DNAH6: variants seen among roughly 807,000 people sequenced by gnomAD.
The protein encoded by DNAH6 is axonemal beta dynein heavy chain 6.
DNAH6 carries 340 observed loss-of-function variants against 491.4 expected under a neutral mutation model. That is an observed-to-expected ratio of 0.69 (90% confidence interval 0.63 to 0.76). The LOEUF is 0.76. Ranked by LOEUF, DNAH6 falls within the 30% of genes least tolerant of loss-of-function variation. DNAH6 has a pLI of 0.00. For missense variants in DNAH6, 4,443 were observed against 4,972.2 expected (o/e 0.89, Z 3.20); for synonymous variants, 1,603 against 1,686.1 (o/e 0.95, Z 1.21).
intron 42 of DNAH6, among the ~76,000 whole-genome samples, chr2:84,684,365 C>T (rs759662121): frequency 1.3e-5 from 2 of 152,170 alleles, no homozygotes; most frequent in Non-Finnish European, 2.9e-5. Flanking sequence ...AATTCAGGAT[C>T]CACTTTATTT....
At position 84,719,512 on chromosome 2, in the gene DNAH6, T is replaced by G. The variant is rs556835001; in HGVS notation, c.9792+1128T>G. Among the ~76,000 whole-genome samples, 150 of 152,032 alleles carry G rather than the reference T, an allele frequency of 9.9e-4. 1 individual carries two copies. The highest frequency in any genetic ancestry group is 3.5e-3 in the African/African-American group (145 of 41,450). On this transcript the variant is annotated intron_variant, in intron 59 of 76. Coordinates refer to ENST00000389394, the MANE Select transcript of DNAH6 (RefSeq NM_001370.2). ...GTTTTTGTTTTTTTTGTTTTTTATT[T>G]TGTTTTGTTTTGTTTTGAGACAGGG...
chr2:84,505,693 T>C, the DNAH6 span, among the ~76,000 whole-genome samples: 1 of 152,190 alleles, frequency 6.6e-6, no homozygotes, highest in African/African-American at 2.4e-5. Context: ...TATCTCCTAA[T>C]GCTATCCCTC....
chr2:84,605,546 G>A lies in DNAH6; in HGVS notation c.3128G>A (p.Arg1043His), dbSNP rs375805606. Residue 1043 changes from arginine to histidine, a missense_variant, in exon 20 of 77, where the codon CGT becomes CAT. Physicochemically the swap from Arg to His is conservative, Grantham distance 29. This residue lies in a region of DNAH6 where 2,977 missense variants were observed against 3,296.6 expected (regional missense o/e 0.90). Transcript: ENST00000389394. ...KTTEFVILPH[R>H]DSKDVFILGG... is the part of the protein sequence containing the mutation. ...ACTGAATTTGTCATTCTGCCTCACC[G>A]TGACTCCAAAGATGTGTTTATACTG... The A allele has an allele frequency of 8.4e-6, 13 of 1,551,352 alleles. No individual in the cohort carries two copies. Among genetic ancestry groups the A allele is most frequent in the East Asian group, 2.4e-5 (1 of 40,908 alleles).
In DNAH6 at chr2:84,701,109, G is replaced by T; in HGVS notation, c.7831G>T (p.Ala2611Ser). ...IDWFVQWPRE[A>S]LLSVSKTFFS... ...CCTTGATTCACAGTGGCCCAGAGAA[G>T]CACTTCTTTCTGTGTCAAAGACATT... The change falls in exon 49 of 77, where the codon GCA (alanine) becomes TCA (serine). Residue 2611 changes from alanine (A) to serine (S), a missense_variant. Transcript: ENST00000389394. 6.4e-7 allele frequency: 1 copy of T among 1,550,850 alleles called. No individual in the cohort carries two copies. The highest frequency in any genetic ancestry group is 8.7e-7 in the Non-Finnish European group (1 of 1,145,978).
chr2:84,773,111 G>A (rs1427527229), intron 64 of DNAH6, among the ~76,000 whole-genome samples: 5 of 151,914 alleles, frequency 3.3e-5, no homozygotes, highest in Admixed American at 1.3e-4. Context: ...TTAGATTCAG[G>A]TTTCTTAACA....
In DNAH6 at chr2:84,819,510, C is replaced by A; in HGVS notation, c.*102C>A. The stretch of plus-strand genomic sequence containing the variant: ...ATATGTGAGCAAAACGGTGTTAATT[C>A]TGATTTGACTTAAACGTATTGTGAC... On this transcript the variant is annotated 3_prime_UTR_variant, in exon 77 of 77. Transcript: ENST00000389394. The A allele has an allele frequency of 1.5e-6, 1 of 684,582 alleles. No individual in the cohort carries two copies. The highest frequency in any genetic ancestry group is 2.0e-5 in the South Asian group (1 of 49,292). 42.4% of individuals were successfully genotyped at this position (684,582 alleles called of 1,614,324 possible).
chr2:84,541,520 G>A (rs1678240938), intron 4 of DNAH6, among the ~76,000 whole-genome samples: 1 of 152,156 alleles, frequency 6.6e-6, no homozygotes, highest in African/African-American at 2.4e-5. Flanking sequence ...AAACTTAAAA[G>A]AAGAAGAAAA....
chr2:84,573,190 G>T (rs1682066170), intron 11 of DNAH6, among the ~76,000 whole-genome samples: 1 of 152,174 alleles, frequency 6.6e-6, no homozygotes, highest in African/African-American at 2.4e-5. Context: ...TCACCATGAA[G>T]CAGAAACAAA....
intron 64 of DNAH6, among the ~76,000 whole-genome samples, chr2:84,772,083 A>G (rs999710121): frequency 2.0e-5 from 3 of 152,220 alleles, no homozygotes; most frequent in Admixed American, 1.3e-4. Context: ...GAGAGGGCAG[A>G]GCTATGTAGT....
intron 4 of DNAH6, among the ~76,000 whole-genome samples, chr2:84,541,141 T>C (rs537340233): frequency 6.6e-6 from 1 of 152,256 alleles, no homozygotes; most frequent in African/African-American, 2.4e-5. Context: ...TGCTAAGAAA[T>C]GCCGAGGGAG....
intron 68 of DNAH6, among the ~76,000 whole-genome samples, chr2:84,791,151 C>A (rs1677694420): frequency 6.7e-6 from 1 of 149,602 alleles, no homozygotes; most frequent in Admixed American, 6.7e-5. Flanking sequence ...GATCACGCCA[C>A]TGCACTCCAG....
chr2:84,469,178 G>A, the DNAH6 span, among the ~76,000 whole-genome samples: 1,006 of 152,044 alleles, frequency 6.6e-3, 8 homozygotes, highest in African/African-American at 0.022. The surrounding 1 kb of genome is among the most constrained non-coding windows in gnomAD (Gnocchi z 4.0). Context: ...TCGTTCAACC[G>A]TTTGCACAGA....
At chr2:84,493,317 A>G in the DNAH6 span, among the ~76,000 whole-genome samples, 4 of 152,196 alleles carry the variant, frequency 2.6e-5, no homozygotes, top group African/African-American at 9.7e-5. Context: ...TCTGAAACTC[A>G]CATTTTCACT....
rs181127187 is a variant in DNAH6, at chr2:84,754,867, T to A, written c.10513-7888T>A. ...GAATGGCATTGAACCTGAAGATCAA[T>A]TTGGGGAATATTTACCTCTTAACAA... On this transcript the variant is annotated intron_variant, in intron 63 of 76. Transcript: ENST00000389394. Among the ~76,000 whole-genome samples the A allele has an allele frequency of 2.0e-5, 3 of 152,348 alleles. No homozygotes were observed. In the East Asian group the frequency reaches 5.8e-4, roughly 29 times the overall value.
chr2:84,804,023 A>G (rs953763768), intron 70 of DNAH6, among the ~76,000 whole-genome samples: 10 of 152,234 alleles, frequency 6.6e-5, no homozygotes, highest in African/African-American at 2.4e-4. Context: ...CCTGGCCAAC[A>G]TGGTGAAACC....
intron 41 of DNAH6, among the ~76,000 whole-genome samples, chr2:84,679,401 A>T (rs1481586039): frequency 3.9e-5 from 6 of 152,250 alleles, no homozygotes; most frequent in Admixed American, 3.9e-4. Flanking sequence ...CTGGAAATTT[A>T]TGTGCCAAAA....
At chr2:84,792,562 G>C (rs180914488) in intron 68 of DNAH6, among the ~76,000 whole-genome samples, 67 of 152,200 alleles carry the variant, frequency 4.4e-4, no homozygotes, top group Admixed American at 2.9e-3. Flanking sequence ...AAGGCGCGGG[G>C]GTGAGGGGAG....
intron 11 of DNAH6, among the ~76,000 whole-genome samples, chr2:84,566,000 G>T (rs927414624): frequency 7.2e-5 from 11 of 151,882 alleles, no homozygotes. Flanking sequence ...CATGTGAGAT[G>T]GTTCTCTTGA....
chr2:84,481,218 A>G, the DNAH6 span, among the ~76,000 whole-genome samples: 1 of 152,178 alleles, frequency 6.6e-6, no homozygotes, highest in Admixed American at 6.5e-5. Context: ...CCACCACTTA[A>G]GACCCCAAAG....
Sources: gnomAD v4.1 joint callset for allele counts (sites outside exome capture counted in the v4.1 genomes callset) on GRCh38, gnomAD v4.1.1 for gene constraint, gnomAD v4.1.1 regional missense constraint, Gnocchi (gnomAD v3.1) non-coding constraint, MANE v1.5 for transcripts, NCBI Gene and HGNC (gene_info 2026-07-23, HGNC 2026-07-21) for gene names.